The following AGAP3 variants were observed in gnomAD, a reference collection of about 807,000 sequenced individuals.
AGAP3 encodes the protein ArfGAP with GTPase domain, ankyrin repeat and PH domain 3, also known as arf-GAP with GTPase, ANK repeat and PH domain-containing protein 3.
AGAP3 carries 24 observed loss-of-function variants against 96.9 expected under a neutral mutation model. That is an observed-to-expected ratio of 0.25 (90% confidence interval 0.18 to 0.35). AGAP3 has a LOEUF of 0.35. AGAP3 is among the 10% of genes least tolerant of loss of function. The pLI, the probability that AGAP3 is intolerant of heterozygous loss-of-function variation, is 1.00. For synonymous variants in AGAP3, 563 were observed against 536.1 expected (o/e 1.05, Z -0.69); for missense variants, 876 against 1,254.2 (o/e 0.70, Z 4.55).
At chr7:151,093,240 C>T (rs1798469712) in intron 1 of AGAP3, among the ~76,000 whole-genome samples, 1 of 152,128 alleles carries the variant, frequency 6.6e-6, no homozygotes, top group Admixed American at 6.6e-5. Flanking sequence ...ATCTTGGGCT[C>T]AAGCGATCTT....
At chr7:151,136,141 C>G (rs1044129303) in intron 11 of AGAP3, 1 of 152,370 alleles carries the variant, frequency 6.6e-6, no homozygotes, top group Non-Finnish European at 1.5e-5. Flanking sequence ...GCACCGGCCC[C>G]CAGGAGCCCC....
intron 1 of AGAP3, among the ~76,000 whole-genome samples, chr7:151,093,961 G>A (rs990841076): frequency 1.3e-5 from 2 of 152,208 alleles, no homozygotes; most frequent in East Asian, 3.8e-4. Flanking sequence ...GTGAGCACCT[G>A]AGCTGGGGTC....
intron 1 of AGAP3, 81 bp downstream of exon 1, chr7:151,087,153 G>A (rs1046908086): frequency 1.4e-6 from 2 of 1,439,880 alleles, no homozygotes; most frequent in East Asian, 2.5e-5. Context: ...GCCGTGCCTG[G>A]CCATGCTCTC....
intron 1 of AGAP3, 114 bp from the exon 2 acceptor site, chr7:151,116,679 C>A: frequency 8.4e-7 from 1 of 1,186,164 alleles, no homozygotes; most frequent in Non-Finnish European, 1.2e-6. Context: ...GTGGAGGAAG[C>A]TGCTGTCCTC....
At chr7:151,132,421 G>A (rs1351582609) in intron 10 of AGAP3, among the ~76,000 whole-genome samples, 1 of 152,212 alleles carries the variant, frequency 6.6e-6, no homozygotes, top group African/African-American at 2.4e-5. Context: ...TGGCAGGAGG[G>A]CATAGGTAAG....
intron 8 of AGAP3, among the ~76,000 whole-genome samples, chr7:151,122,081 T>C (rs1799921855): frequency 6.6e-6 from 1 of 152,158 alleles, no homozygotes; most frequent in Non-Finnish European, 1.5e-5. Context: ...CCTCTGGTGG[T>C]CGGGGCCTCT....
intron 10 of AGAP3, 99 bp from the exon 11 acceptor site, chr7:151,134,301 C>A: frequency 7.4e-7 from 1 of 1,358,538 alleles, no homozygotes; most frequent in Non-Finnish European, 1.0e-6. Flanking sequence ...AGCCTTCCCT[C>A]TCCTCCCACA....
chr7:151,131,809 C>G (rs1379709014), intron 10 of AGAP3, among the ~76,000 whole-genome samples: 2 of 152,306 alleles, frequency 1.3e-5, no homozygotes, highest in East Asian at 3.9e-4. Context: ...CTTTTCCTGC[C>G]ATGTCCCAGC....
intron 1 of AGAP3, among the ~76,000 whole-genome samples, chr7:151,102,322 A>G (rs1798863084): frequency 1.3e-5 from 2 of 152,216 alleles, no homozygotes; most frequent in African/African-American, 4.8e-5. Flanking sequence ...TCACTGGCGT[A>G]GTATGTTTTC....
chr7:151,134,263 G>C lies in AGAP3; in HGVS notation c.1327-137G>C, dbSNP rs906914230. On this transcript the variant is annotated intron_variant, in intron 10 of 17. Coordinates refer to ENST00000397238, the MANE Select transcript of AGAP3 (RefSeq NM_031946.7). Reference sequence around the variant, plus strand: ...GAATCCAGACTCGGAGACATTCTGTGGCTTAGAATCCTGCTTTTCAAGATT... The same window carrying C: ...GAATCCAGACTCGGAGACATTCTGTCGCTTAGAATCCTGCTTTTCAAGATT... 4.8e-5 allele frequency: 45 copies of C among 945,722 alleles called. No individual in the cohort carries two copies. The African/African-American group carries it at 6.0e-4, about 13-fold the overall frequency. The allele number at this position is 945,722 out of a possible 1,614,324, so 58.6% of individuals were successfully genotyped here.
intron 1 of AGAP3, among the ~76,000 whole-genome samples, chr7:151,090,739 C>G (rs569753890): frequency 2.0e-5 from 3 of 152,078 alleles, no homozygotes; most frequent in Non-Finnish European, 2.9e-5. Context: ...GTCAGGAGAT[C>G]GAGACCATCC....
rs867491526 is a variant in AGAP3 at position 151,114,348 on chromosome 7, G to C, written c.332-2445G>C. Among the ~76,000 whole-genome samples the C allele has an allele frequency of 1.3e-5, 2 of 152,244 alleles. No individual in the cohort carries two copies. Among genetic ancestry groups the C allele is most frequent in the Admixed American group, 1.3e-4 (2 of 15,288 alleles). Reference sequence around the variant, plus strand: ...TTCTGGCTCTTCCTTTGAAGAATGAGAAATGGCCCGCTTTTCTCCAAAATG... The same window carrying C: ...TTCTGGCTCTTCCTTTGAAGAATGACAAATGGCCCGCTTTTCTCCAAAATG... On this transcript the variant is annotated intron_variant, in intron 1 of 17. Coordinates refer to ENST00000397238, the MANE Select transcript of AGAP3 (RefSeq NM_031946.7). The surrounding 1 kb of genome is among the most constrained non-coding windows in gnomAD (Gnocchi z 4.4).
chr7:151,094,886 C>G (rs1035947237), intron 1 of AGAP3, among the ~76,000 whole-genome samples: 3 of 151,166 alleles, frequency 2.0e-5, no homozygotes, highest in Non-Finnish European at 4.4e-5. Flanking sequence ...TTCCTTCCTT[C>G]CTTCCTTCCT....
rs1391469867 is a variant in AGAP3, at chr7:151,140,178, C to T, written c.1804+62C>T. The T allele has an allele frequency of 3.6e-6, 5 of 1,392,072 alleles. No individual in the cohort carries two copies. The highest frequency in any genetic ancestry group is 4.7e-6 in the Non-Finnish European group (5 of 1,066,852). The allele number at this position is 1,392,072 out of a possible 1,614,324, so 86.2% of individuals were successfully genotyped here. Reference sequence around the variant, plus strand: ...TGGGCAGTGGGACTTGGGGATAGTACCCTAAAAGTAACACCTATTTTTTAT... The same window carrying T: ...TGGGCAGTGGGACTTGGGGATAGTATCCTAAAAGTAACACCTATTTTTTAT... On this transcript the variant is annotated intron_variant, in intron 13 of 17. Transcript: ENST00000397238. The surrounding 1 kb of genome is among the most constrained non-coding windows in gnomAD (Gnocchi z 5.4).
rs774905613 is a variant in AGAP3 at position 151,143,509 on chromosome 7, T to G, written c.2442T>G (p.Asn814Lys). The change falls in exon 17 of 18, where the codon AAT becomes AAG. Residue 814 changes from asparagine to lysine, a missense_variant. This residue lies in a region of AGAP3 where 213 missense variants were observed against 253.8 expected (regional missense o/e 0.84). Coordinates refer to ENST00000397238, the MANE Select transcript of AGAP3 (RefSeq NM_031946.7). This position sits in a 1 kb window ranked among gnomAD's most constrained non-coding sequence, Gnocchi z 5.9. ...LLAHGSKEEV[N>K]ETYGDGDGRT... ...CACATGGCTCCAAAGAGGAGGTGAA[T>G]GAGACCTATGGGGACGGGGACGGGC... is the stretch of plus-strand genomic sequence containing the variant. The G allele has an allele frequency of 1.2e-6, 2 of 1,614,164 alleles. No individual in the cohort carries two copies. Among genetic ancestry groups the G allele is most frequent in the Non-Finnish European group, 1.7e-6 (2 of 1,180,026 alleles).
At chr7:151,116,502 A>T in intron 1 of AGAP3, 1 of 495,726 alleles carries the variant, frequency 2.0e-6, no homozygotes, top group South Asian at 2.7e-5. Flanking sequence ...TGGGGGGACA[A>T]TAAACCTGCT....
rs748949393 is a variant in AGAP3 at position 151,133,799 on chromosome 7, G to A, written c.1327-601G>A. 8.5e-5 allele frequency among the ~76,000 whole-genome samples: 13 copies of A among 152,188 alleles called. No individual in the cohort carries two copies. Among genetic ancestry groups the A allele is most frequent in the Admixed American group, 2.0e-4 (3 of 15,286 alleles). On this transcript the variant is annotated intron_variant, in intron 10 of 17. Coordinates refer to ENST00000397238, the MANE Select transcript of AGAP3 (RefSeq NM_031946.7). The surrounding 1 kb of genome is among the most constrained non-coding windows in gnomAD (Gnocchi z 5.4). ...GCACGCGACAGGCAGATGACATGACGGCGATGACGATGACTGCCGCCAGGG... is the reference window on the plus strand; with the variant it reads ...GCACGCGACAGGCAGATGACATGACAGCGATGACGATGACTGCCGCCAGGG...
rs1045985855 is a variant in AGAP3, at chr7:151,114,959, C to A, written c.332-1834C>A. On this transcript the variant is annotated intron_variant, in intron 1 of 17. Transcript: ENST00000397238. This position sits in a 1 kb window ranked among gnomAD's most constrained non-coding sequence, Gnocchi z 4.4. ...CGCGGCCGCGGAGCGTGTGCTCGGG[C>A]GGCCCGGAGCCGCCGCCCACCGGCG... 21 of 982,490 alleles carry A rather than the reference C, an allele frequency of 2.1e-5. No homozygotes were observed. The highest frequency in any genetic ancestry group is 2.4e-5 in the Non-Finnish European group (20 of 829,934). The allele number at this position is 982,490 out of a possible 1,614,324, so 60.9% of individuals were successfully genotyped here.
At chr7:151,130,245 C>T (rs1279595480) in intron 10 of AGAP3, among the ~76,000 whole-genome samples, 4 of 152,038 alleles carry the variant, frequency 2.6e-5, no homozygotes, top group Non-Finnish European at 5.9e-5. Context: ...GTGGAGGCAG[C>T]GAGGATGAAG....
Sources: gnomAD v4.1 joint callset for allele counts (sites outside exome capture counted in the v4.1 genomes callset) on GRCh38, gnomAD v4.1.1 for gene constraint, gnomAD v4.1.1 regional missense constraint, Gnocchi (gnomAD v3.1) non-coding constraint, MANE v1.5 for transcripts, NCBI Gene and HGNC (gene_info 2026-07-23, HGNC 2026-07-21) for gene names.